CD99L2: variants seen among roughly 807,000 people sequenced by gnomAD.
The protein encoded by CD99L2 is CD99 molecule like 2.
Under a neutral mutation model 27.3 loss-of-function variants are expected in CD99L2, and 24 were observed. The ratio of observed to expected loss-of-function variants is 0.88; its 90% CI spans 0.64 to 1.24. CD99L2 has a LOEUF of 1.24. Ranked by LOEUF, CD99L2 falls within the 50% of genes most tolerant of loss-of-function variation. The pLI, the probability that CD99L2 is intolerant of heterozygous loss-of-function variation, is 0.00. For synonymous variants in CD99L2, 97 were observed against 87.9 expected (o/e 1.10, Z -0.58); for missense variants, 255 against 221.6 (o/e 1.15, Z -0.96).
At chrX:150,814,286 A>G (rs2046117881) in intron 4 of CD99L2, among the ~76,000 whole-genome samples, 1 of 112,437 alleles carries the variant, frequency 8.9e-6, no homozygotes, top group African/African-American at 3.2e-5. Flanking sequence ...GTTGGGGCCA[A>G]GTTTTGGTGT....
At position 150,801,676 on chromosome X, in the gene CD99L2, C is replaced by T. The variant is rs1209964448; in HGVS notation, c.278-6190G>A. On this transcript the variant is annotated intron_variant, in intron 4 of 10. Coordinates refer to ENST00000370377, the MANE Select transcript of CD99L2 (RefSeq NM_031462.4). ...CTCATCAATTTACATGCCAAATCTT[C>T]AACAAAATATTAGCAAACAGAATAG... 2.7e-5 allele frequency among the ~76,000 whole-genome samples: 3 copies of T among 110,444 alleles called. No individual in the cohort carries two copies. The East Asian group carries it at 8.4e-4, about 31-fold the overall frequency.
chrX:150,823,577 C>T (rs782805250), intron 2 of CD99L2, among the ~76,000 whole-genome samples: 25 of 111,900 alleles, frequency 2.2e-4, no homozygotes, highest in East Asian at 5.6e-4. Context: ...TGAGCCACCA[C>T]GCCCAGCTGA....
chrX:150,789,453 C>A lies in CD99L2; in HGVS notation c.496+4238G>T, dbSNP rs1254969109. On this transcript the variant is annotated intron_variant, in intron 7 of 10. Coordinates refer to ENST00000370377, the MANE Select transcript of CD99L2 (RefSeq NM_031462.4). ...TTCTTTATATCATCTGAATACAAGT[C>A]CTTTATCAGGTATATGATTTTGCAA... Among the ~76,000 whole-genome samples the A allele has an allele frequency of 3.6e-5, 4 of 111,868 alleles. No homozygotes were observed. The East Asian group carries it at 1.1e-3, about 31-fold the overall frequency.
intron 1 of CD99L2, among the ~76,000 whole-genome samples, chrX:150,858,527 T>C (rs1557421816): frequency 8.9e-6 from 1 of 112,227 alleles, no homozygotes. Context: ...GGAATAAAAC[T>C]AGAAATCAAT....
At chrX:150,795,540 C>G (rs1557419889) in intron 4 of CD99L2, 54 bp from the exon 5 acceptor site, 1 of 1,135,953 alleles carries the variant, frequency 8.8e-7, no homozygotes, top group Non-Finnish European at 1.2e-6. Flanking sequence ...CAAAATGCAG[C>G]AGCCATTCAT....
At chrX:150,840,435 G>A (rs1268486817) in intron 1 of CD99L2, among the ~76,000 whole-genome samples, 1 of 107,921 alleles carries the variant, frequency 9.3e-6, no homozygotes, top group East Asian at 2.9e-4. Context: ...TTTTGAGACA[G>A]GGTCTGGCTC....
At chrX:150,797,791 T>C (rs1442969411) in intron 4 of CD99L2, among the ~76,000 whole-genome samples, 1 of 110,793 alleles carries the variant, frequency 9.0e-6, no homozygotes, top group African/African-American at 3.3e-5. Context: ...ACGCCTGTTA[T>C]CTCAACACTT....
chrX:150,892,729 A>G (rs1284568108), intron 1 of CD99L2, among the ~76,000 whole-genome samples: 3 of 110,821 alleles, frequency 2.7e-5, no homozygotes, highest in Non-Finnish European at 3.8e-5. Context: ...GAGCAGACAA[A>G]ATGGGCCTAA....
At chrX:150,847,300 T>C (rs1557421483) in intron 1 of CD99L2, among the ~76,000 whole-genome samples, 1 of 111,825 alleles carries the variant, frequency 8.9e-6, no homozygotes. Flanking sequence ...GAAGTGTGAG[T>C]CTACCAACTT....
chrX:150,776,678 G>A (rs1404839962), intron 8 of CD99L2, among the ~76,000 whole-genome samples: 12 of 111,532 alleles, frequency 1.1e-4, no homozygotes, highest in Non-Finnish European at 2.1e-4. Flanking sequence ...TATTGGAAAC[G>A]TTCAGGGGAA....
intron 7 of CD99L2, among the ~76,000 whole-genome samples, chrX:150,784,154 C>T (rs73624524): frequency 0.2 from 22,063 of 110,120 alleles, 1,616 homozygotes; most frequent in Middle Eastern, 0.28. Flanking sequence ...CCTCTTTCCC[C>T]AGCCAGCAGT....
chrX:150,879,595 A>G (rs782330291), intron 1 of CD99L2, among the ~76,000 whole-genome samples: 2 of 108,565 alleles, frequency 1.8e-5, no homozygotes, highest in Non-Finnish European at 3.8e-5. Context: ...TCCAGAACAC[A>G]TGATCTAATG....
chrX:150,789,705 C>A (rs1273985392), intron 7 of CD99L2, among the ~76,000 whole-genome samples: 1 of 111,213 alleles, frequency 9.0e-6, no homozygotes, highest in Non-Finnish European at 1.9e-5. Flanking sequence ...GGCAACATAG[C>A]AAGACCCCAT....
At chrX:150,769,331 T>TA (rs1431195376) in intron 10 of CD99L2, among the ~76,000 whole-genome samples, 2 of 111,848 alleles carry the variant, frequency 1.8e-5, no homozygotes, top group Non-Finnish European at 3.8e-5. Context: ...TCTCCTCACC[T>TA]AAAAAATGAG....
chrX:150,787,667 TTCTCAC>T (rs1443250580), intron 7 of CD99L2, among the ~76,000 whole-genome samples: 1 of 101,087 alleles, frequency 9.9e-6, no homozygotes, highest in Non-Finnish European at 2.0e-5. Context: ...ACACCGCATG[TTCTCAC>T]TCATAGGTGG....
chrX:150,793,832 A>G, intron 6 of CD99L2, 76 bp from the exon 7 acceptor site: 1 of 805,552 alleles, frequency 1.2e-6, no homozygotes, highest in Non-Finnish European at 1.8e-6. Context: ...AATGTTGCCC[A>G]AAATTCAGAA....
At chrX:150,796,229 T>A (rs1439491943) in intron 4 of CD99L2, among the ~76,000 whole-genome samples, 4 of 112,333 alleles carry the variant, frequency 3.6e-5, no homozygotes, top group Non-Finnish European at 7.5e-5. Flanking sequence ...TACAGAGCAA[T>A]AATGTGATAT....
At chrX:150,781,800 A>G (rs2045516238) in intron 7 of CD99L2, among the ~76,000 whole-genome samples, 1 of 112,098 alleles carries the variant, frequency 8.9e-6, no homozygotes, top group African/African-American at 3.2e-5. Context: ...AGCTATAGCA[A>G]CCACCATAGC....
chrX:150,885,902 T>C (rs904571714), intron 1 of CD99L2, among the ~76,000 whole-genome samples: 2 of 112,136 alleles, frequency 1.8e-5, no homozygotes, highest in Admixed American at 1.9e-4. Context: ...GGTCACCATC[T>C]AAAATGGAAA....
Sources: allele counts gnomAD v4.1 joint callset (sites outside exome capture counted in the v4.1 genomes callset), GRCh38; gene constraint gnomAD v4.1.1; transcripts MANE v1.5; gene names NCBI Gene and HGNC (gene_info 2026-07-23, HGNC 2026-07-21).